ERC2: variants seen among roughly 807,000 people sequenced by gnomAD.
The protein encoded by ERC2 is ERC protein 2.
Under a neutral mutation model 114.8 loss-of-function variants are expected in ERC2, and 42 were observed. That is an observed-to-expected ratio of 0.37 (90% CI 0.29 to 0.47). The LOEUF (loss-of-function observed/expected upper bound fraction) is 0.47. Ranked by LOEUF, ERC2 falls within the 20% of genes least tolerant of loss-of-function variation. The pLI, the probability that ERC2 is intolerant of heterozygous loss-of-function variation, is 0.99. For synonymous variants in ERC2, 454 were observed against 425.5 expected (o/e 1.07, Z -0.82); for missense variants, 939 against 1,150.7 (o/e 0.82, Z 2.66).
intron 5 of ERC2, among the ~76,000 whole-genome samples, chr3:56,141,305 C>T (rs2080840714): frequency 6.6e-6 from 1 of 152,176 alleles, no homozygotes; most frequent in Non-Finnish European, 1.5e-5. Context: ...ACTGTGACTT[C>T]CTTCTGCCAA....
intron 15 of ERC2, among the ~76,000 whole-genome samples, chr3:55,731,930 C>T (rs1469414452): frequency 6.6e-6 from 1 of 152,116 alleles, no homozygotes; most frequent in Non-Finnish European, 1.5e-5. Context: ...TTGGCATCTA[C>T]TTTACGTTTA....
intron 17 of ERC2, among the ~76,000 whole-genome samples, chr3:55,616,573 C>T (rs975388588): frequency 2.0e-5 from 3 of 149,946 alleles, no homozygotes; most frequent in Non-Finnish European, 4.4e-5. Context: ...ATATATTTTA[C>T]ATATATGTGT....
intron 3 of ERC2, among the ~76,000 whole-genome samples, chr3:56,252,274 T>C (rs1228651135): frequency 6.6e-6 from 1 of 152,224 alleles, no homozygotes; most frequent in Non-Finnish European, 1.5e-5. Flanking sequence ...CTTAATGTTA[T>C]AGTTCATCTC....
In ERC2 at chr3:56,111,420, C is replaced by A. The variant is rs563182071; in HGVS notation, c.1473+28089G>T. On this transcript the variant is annotated intron_variant, in intron 6 of 17. Transcript: ENST00000288221. ...CTCTCTCTCTCTCAGTTCTATCCCCCCCTCTCTCTCACCAGCTCCAAGAGT... is the reference window on the plus strand; with the variant it reads ...CTCTCTCTCTCTCAGTTCTATCCCCACCTCTCTCTCACCAGCTCCAAGAGT... Among the ~76,000 whole-genome samples, 3 of 151,836 alleles carry A rather than the reference C, an allele frequency of 2.0e-5. No homozygotes were observed. In the East Asian group the frequency reaches 5.8e-4, roughly 29 times the overall value.
chr3:55,549,030 A>G (rs1195343154), intron 17 of ERC2, among the ~76,000 whole-genome samples: 1 of 152,174 alleles, frequency 6.6e-6, no homozygotes, highest in Non-Finnish European at 1.5e-5. Context: ...GGTCAAACAA[A>G]ATGCATCTGT....
chr3:55,637,188 A>G (rs1416923474), intron 17 of ERC2, among the ~76,000 whole-genome samples: 1 of 152,174 alleles, frequency 6.6e-6, no homozygotes, highest in Non-Finnish European at 1.5e-5. Flanking sequence ...TTCTCAAACC[A>G]ATGATAGCAC....
At chr3:55,577,400 C>T (rs530961760) in intron 17 of ERC2, among the ~76,000 whole-genome samples, 1 of 152,286 alleles carries the variant, frequency 6.6e-6, no homozygotes, top group South Asian at 2.1e-4. Context: ...AAGGTTATAT[C>T]CTCATAAAGT....
At chr3:55,587,466 G>A (rs1289692300) in intron 17 of ERC2, among the ~76,000 whole-genome samples, 1 of 152,142 alleles carries the variant, frequency 6.6e-6, no homozygotes, top group African/African-American at 2.4e-5. Flanking sequence ...ATACCAGAAC[G>A]TCTATCAATG....
intron 14 of ERC2, among the ~76,000 whole-genome samples, chr3:55,737,778 G>A (rs2065729159): frequency 6.6e-6 from 1 of 152,142 alleles, no homozygotes; most frequent in South Asian, 2.1e-4. Context: ...ACAAGCACAG[G>A]CACTATTTTC....
At chr3:56,267,600 T>C (rs1198126960) in intron 3 of ERC2, among the ~76,000 whole-genome samples, 6 of 138,676 alleles carry the variant, frequency 4.3e-5, no homozygotes, top group Non-Finnish European at 9.4e-5. Flanking sequence ...TGAAACCCCG[T>C]CTGTACTAAA....
Position 55,864,120 on chromosome 3 carries a change from C to T in ERC2, c.2564+24269G>A, listed in dbSNP as rs866679706. On this transcript the variant is annotated intron_variant, in intron 14 of 17. Transcript: ENST00000288221. ...AGGTATATATATATATATATATATACACACACACATATATATATACATATA... is the reference window on the plus strand; with the variant it reads ...AGGTATATATATATATATATATATATACACACACATATATATATACATATA... Among the ~76,000 whole-genome samples the T allele has an allele frequency of 3.6e-4, 39 of 109,408 alleles. 1 individual carries two copies. The highest frequency in any genetic ancestry group is 1.4e-3 in the African/African-American group (34 of 25,172). 71.8% of individuals were successfully genotyped at this position (109,408 alleles called of 152,430 possible). A position where few individuals can be genotyped will look rare whatever the true frequency, so the allele number is the denominator to read the frequency against.
chr3:56,380,727 G>A (rs1360193475), intron 2 of ERC2, among the ~76,000 whole-genome samples: 2 of 152,142 alleles, frequency 1.3e-5, no homozygotes, highest in Non-Finnish European at 2.9e-5. Context: ...GATATAAAGT[G>A]AGATATGACT....
At position 55,699,511 on chromosome 3, in the gene ERC2, G is replaced by A; in HGVS notation, c.2714C>T (p.Thr905Ile). 6.2e-7 allele frequency: 1 copy of A among 1,609,192 alleles called. No individual in the cohort carries two copies. Among genetic ancestry groups the A allele is most frequent in the Non-Finnish European group, 8.5e-7 (1 of 1,176,392 alleles). ...TGCCATCAACTTCATTCTGTTCTGGGTCTGTGCAGAACAAAAACCAAGGAA... is the reference window on the plus strand; with the variant it reads ...TGCCATCAACTTCATTCTGTTCTGGATCTGTGCAGAACAAAAACCAAGGAA... ...DRLVHQLKQQ[T>I]QNRMKLMADN... The change falls in exon 16 of 18, where the codon ACC (threonine) becomes ATC (isoleucine). Residue 905 changes from threonine (T) to isoleucine (I), a missense_variant and splice_region_variant. Transcript: ENST00000288221.
intron 15 of ERC2, among the ~76,000 whole-genome samples, chr3:55,734,546 A>G (rs929948908): frequency 3.9e-5 from 6 of 152,210 alleles, no homozygotes; most frequent in African/African-American, 1.4e-4. Flanking sequence ...AAAGAAAGGA[A>G]AACAGCACTG....
chr3:55,943,775 T>C (rs1576303579), intron 13 of ERC2, among the ~76,000 whole-genome samples: 1 of 152,176 alleles, frequency 6.6e-6, no homozygotes, highest in East Asian at 1.9e-4. Flanking sequence ...GTGGTTTTAA[T>C]GAACATACAA....
In ERC2 at chr3:55,852,633, T is replaced by C. The variant is rs186711529; in HGVS notation, c.2564+35756A>G. 2.6e-3 allele frequency: 400 copies of C among 152,930 alleles called. 1 individual carries two copies. Among genetic ancestry groups the C allele is most frequent in the Non-Finnish European group, 4.7e-3 (319 of 68,158 alleles). The allele number at this position is 152,930 out of a possible 1,614,324, so 9.5% of individuals were successfully genotyped here. A position where few individuals can be genotyped will look rare whatever the true frequency, so the allele number is the denominator to read the frequency against. On this transcript the variant is annotated intron_variant, in intron 14 of 17. Coordinates refer to ENST00000288221, the MANE Select transcript of ERC2 (RefSeq NM_015576.3). ...GCAGCAGAATTAATGAGGGTAAAGG[T>C]ACATGGATTCTTTTCTTTTGACTCC...
intron 17 of ERC2, among the ~76,000 whole-genome samples, chr3:55,623,625 TTATCTATTCCTAAC>T (rs1190267256): frequency 2.6e-5 from 4 of 152,206 alleles, no homozygotes; most frequent in Non-Finnish European, 4.4e-5. Flanking sequence ...TCCCCTTTAG[TTATCTATTCCTAAC>T]TGTCCTTCCC....
intron 3 of ERC2, among the ~76,000 whole-genome samples, chr3:56,249,254 T>A (rs1356064792): frequency 6.6e-6 from 1 of 152,228 alleles, no homozygotes; most frequent in Non-Finnish European, 1.5e-5. Flanking sequence ...ATCATACATA[T>A]GCTGGTAAAA....
At chr3:55,714,726 A>G (rs889567192) in intron 15 of ERC2, among the ~76,000 whole-genome samples, 9 of 136,404 alleles carry the variant, frequency 6.6e-5, no homozygotes, top group Non-Finnish European at 1.1e-4. Context: ...AAAAGTACAG[A>G]AAGATGAGCA....
Sources: allele counts gnomAD v4.1 joint callset (sites outside exome capture counted in the v4.1 genomes callset), GRCh38; gene constraint gnomAD v4.1.1; transcripts MANE v1.5; gene names NCBI Gene and HGNC (gene_info 2026-07-23, HGNC 2026-07-21).